Variants in TADA2A observed in about 807,000 individuals in gnomAD.
The protein encoded by TADA2A is transcriptional adaptor 2A, also known as transcriptional adapter 2-alpha.
In TADA2A, 38 loss-of-function variants were observed where a neutral mutation model predicts 67.4. That is an observed-to-expected ratio of 0.56 (90% CI 0.44 to 0.74). The LOEUF (loss-of-function observed/expected upper bound fraction) is 0.74. Ranked by LOEUF, TADA2A falls within the 30% of genes least tolerant of loss-of-function variation. TADA2A has a pLI of 0.00. For missense variants in TADA2A, 454 were observed against 547.0 expected (o/e 0.83, Z 1.70); for synonymous variants, 192 against 181.6 (o/e 1.06, Z -0.46).
chr17:37,448,984 C>T (rs780584293), intron 8 of TADA2A, among the ~76,000 whole-genome samples: 1 of 151,842 alleles, frequency 6.6e-6, no homozygotes, highest in East Asian at 1.9e-4. Context: ...TATTCACCTA[C>T]TGGCAGTTCC....
At chr17:37,433,382 G>A (rs1169077726) in intron 4 of TADA2A, among the ~76,000 whole-genome samples, 1 of 152,140 alleles carries the variant, frequency 6.6e-6, no homozygotes, top group Non-Finnish European at 1.5e-5. Flanking sequence ...CATTGGCCGG[G>A]TGCGGTGGCT....
intron 8 of TADA2A, among the ~76,000 whole-genome samples, chr17:37,457,959 A>C (rs2053440477): frequency 6.6e-6 from 1 of 152,192 alleles, no homozygotes; most frequent in Admixed American, 6.6e-5. Flanking sequence ...AGGGGTACAT[A>C]TGCAGGTATA....
At chr17:37,424,815 CA>C (rs547564866) in intron 3 of TADA2A, among the ~76,000 whole-genome samples, 221 of 152,258 alleles carry the variant, frequency 1.5e-3, no homozygotes, top group African/African-American at 5.1e-3. Context: ...CTCGGTCTCC[CA>C]AAGTGCTGGG....
In TADA2A at chr17:37,467,339, T is replaced by C. The variant is rs900137647; in HGVS notation, c.824-115T>C. 45 of 785,336 alleles carry C rather than the reference T, an allele frequency of 5.7e-5. 1 individual carries two copies. The South Asian group carries it at 8.2e-4, about 14-fold the overall frequency. The allele number at this position is 785,336 out of a possible 1,614,324, so 48.6% of individuals were successfully genotyped here. On this transcript the variant is annotated intron_variant, in intron 11 of 15. Coordinates refer to ENST00000615182, the MANE Select transcript of TADA2A (RefSeq NM_001166105.3). ...TTACCAACGAGTAGGATTCTCCAAA[T>C]GAACTTCCCTAGTCTTATAAGGCAG...
At chr17:37,458,976 C>A (rs2053476668) in intron 9 of TADA2A, among the ~76,000 whole-genome samples, 1 of 152,128 alleles carries the variant, frequency 6.6e-6, no homozygotes, top group African/African-American at 2.4e-5. Context: ...TGTGCCTGGC[C>A]TCAGCTTTGA....
chr17:37,472,633 G>A (rs916815137), intron 14 of TADA2A, among the ~76,000 whole-genome samples: 2 of 151,746 alleles, frequency 1.3e-5, no homozygotes, highest in African/African-American at 4.8e-5. Context: ...GAGGCGGGCA[G>A]ATCACCTGAG....
At chr17:37,426,860 A>T (rs1568141445) in intron 3 of TADA2A, 90 bp from the exon 4 acceptor site, 8 of 1,317,392 alleles carry the variant, frequency 6.1e-6, no homozygotes, top group Non-Finnish European at 5.2e-6. Context: ...ATAAAATTTT[A>T]AAAACCCAAA....
chr17:37,470,064 A>C (rs1248091812), intron 12 of TADA2A, among the ~76,000 whole-genome samples: 1 of 152,246 alleles, frequency 6.6e-6, no homozygotes, highest in Admixed American at 6.5e-5. Context: ...TAGAAAAAAC[A>C]GGAAGCAAAT....
intron 4 of TADA2A, among the ~76,000 whole-genome samples, chr17:37,430,543 T>C (rs1196006945): frequency 6.6e-6 from 1 of 152,232 alleles, no homozygotes. Context: ...CTTAGAACTT[T>C]GAACAAGTCA....
intron 2 of TADA2A, among the ~76,000 whole-genome samples, chr17:37,412,158 C>G (rs1350887692): frequency 1.3e-5 from 2 of 149,694 alleles, no homozygotes; most frequent in African/African-American, 4.9e-5. Flanking sequence ...TTGCAGTGAG[C>G]TGAGATTGTG....
At chr17:37,472,066 A>G (rs1261750221) in intron 14 of TADA2A, among the ~76,000 whole-genome samples, 1 of 150,588 alleles carries the variant, frequency 6.6e-6, no homozygotes, top group African/African-American at 2.4e-5. Context: ...TGTCCGCGTT[A>G]GGGACTTTTT....
intron 8 of TADA2A, among the ~76,000 whole-genome samples, chr17:37,455,262 G>A (rs534713848): frequency 1.3e-5 from 2 of 150,256 alleles, no homozygotes; most frequent in East Asian, 3.9e-4. Context: ...TTTTCTTCTA[G>A]CGTTGTTACT....
Position 37,456,853 on chromosome 17 carries a change from A to G in TADA2A, c.605-1671A>G, listed in dbSNP as rs2053406676. On this transcript the variant is annotated intron_variant, in intron 8 of 15. Coordinates refer to ENST00000615182, the MANE Select transcript of TADA2A (RefSeq NM_001166105.3). ...AACTCTGAAGATGGAAAGAGTGGCT[A>G]GGGAAAGAAAGAACCAGAACTATTA... 7.2e-5 allele frequency among the ~76,000 whole-genome samples: 11 copies of G among 152,200 alleles called. No individual in the cohort carries two copies. The South Asian group carries it at 2.1e-3, about 29-fold the overall frequency.
chr17:37,436,285 T>G (rs2052723987), intron 4 of TADA2A: 1 of 152,212 alleles, frequency 6.6e-6, no homozygotes, highest in Non-Finnish European at 1.5e-5. Flanking sequence ...ATAGTTCCTT[T>G]CTGTGTGATT....
chr17:37,433,293 T>A (rs1489205507), intron 4 of TADA2A, among the ~76,000 whole-genome samples: 1 of 151,866 alleles, frequency 6.6e-6, no homozygotes, highest in Non-Finnish European at 1.5e-5. Flanking sequence ...GTATAGAGAG[T>A]TCCCATCTAT....
intron 8 of TADA2A, among the ~76,000 whole-genome samples, chr17:37,453,589 G>C (rs2053290660): frequency 6.6e-6 from 1 of 152,090 alleles, no homozygotes; most frequent in Non-Finnish European, 1.5e-5. Flanking sequence ...ACTTACTGTA[G>C]TAGAACATGT....
chr17:37,417,563 C>T (rs1040821614), intron 2 of TADA2A, among the ~76,000 whole-genome samples: 1 of 151,854 alleles, frequency 6.6e-6, no homozygotes, highest in Non-Finnish European at 1.5e-5. Flanking sequence ...GAGACATAGT[C>T]TCGCTCTGTT....
chr17:37,412,045 G>C (rs2051892131), intron 2 of TADA2A, among the ~76,000 whole-genome samples: 1 of 150,854 alleles, frequency 6.6e-6, no homozygotes, highest in South Asian at 2.1e-4. Flanking sequence ...CCCGTCTCCA[G>C]TAAAAAATAA....
intron 15 of TADA2A, among the ~76,000 whole-genome samples, chr17:37,475,499 G>A (rs1170587985): frequency 6.6e-6 from 1 of 151,796 alleles, no homozygotes; most frequent in Non-Finnish European, 1.5e-5. Context: ...TTATTTGAAA[G>A]TCTCGCTCTG....
Sources: allele counts gnomAD v4.1 joint callset (sites outside exome capture counted in the v4.1 genomes callset), GRCh38; gene constraint gnomAD v4.1.1; transcripts MANE v1.5; gene names NCBI Gene and HGNC (gene_info 2026-07-23, HGNC 2026-07-21).